TBL1X: variants seen among roughly 807,000 people sequenced by gnomAD.
TBL1X encodes transducin beta like 1 X-linked, also known as F-box-like/WD repeat-containing protein TBL1X.
Under a neutral mutation model 50.7 loss-of-function variants are expected in TBL1X, and 10 were observed. The observed-to-expected ratio is 0.20, with a 90% CI of 0.12 to 0.33. The LOEUF (loss-of-function observed/expected upper bound fraction) is 0.33. TBL1X is among the 10% of genes least tolerant of loss of function. The probability of loss-of-function intolerance (pLI) is 1.00; values close to 1 mark genes in which losing one functional copy is unlikely to be tolerated. For missense variants in TBL1X, 340 were observed against 504.4 expected (o/e 0.67, Z 3.12); for synonymous variants, 190 against 214.7 (o/e 0.88, Z 1.01).
chrX:9,483,789 C>T (rs1259411268), intron 1 of TBL1X, among the ~76,000 whole-genome samples: 2 of 108,711 alleles, frequency 1.8e-5, no homozygotes, highest in African/African-American at 3.4e-5. Flanking sequence ...CCTTCCTTCC[C>T]CTCTGGCAGA....
chrX:9,636,484 A>AG (rs2082747566), intron 2 of TBL1X: 1 of 58,581 alleles, frequency 1.7e-5, no homozygotes, highest in Non-Finnish European at 3.0e-5. Flanking sequence ...AAAACAAAGC[A>AG]AAACAACAAC....
At chrX:9,680,949 C>T (rs776069991) in intron 5 of TBL1X, among the ~76,000 whole-genome samples, 1 of 112,583 alleles carries the variant, frequency 8.9e-6, no homozygotes, top group Non-Finnish European at 1.9e-5. Context: ...ACGCCACATC[C>T]TTAGTCCATC....
At chrX:9,685,650 C>T (rs1271925957) in intron 6 of TBL1X, among the ~76,000 whole-genome samples, 3 of 110,276 alleles carry the variant, frequency 2.7e-5, no homozygotes, top group Non-Finnish European at 5.7e-5. Context: ...GCATGTTACA[C>T]TGCTTTAAAA....
At chrX:9,597,629 A>G (rs2082532900) in intron 2 of TBL1X, among the ~76,000 whole-genome samples, 1 of 112,495 alleles carries the variant, frequency 8.9e-6, no homozygotes, top group African/African-American at 3.2e-5. Context: ...TTGAAAAGAA[A>G]GAAATGCATG....
chrX:9,504,184 C>T, intron 2 of TBL1X, among the ~76,000 whole-genome samples: 1 of 111,595 alleles, frequency 9.0e-6, no homozygotes, highest in Middle Eastern at 4.7e-3. Context: ...CAGCAAACTG[C>T]AGCAGCCCTA....
intron 1 of TBL1X, among the ~76,000 whole-genome samples, chrX:9,491,068 T>A (rs1197365461): frequency 9.2e-6 from 1 of 108,678 alleles, no homozygotes. Flanking sequence ...AGCCTTGAAC[T>A]TCTGGGCTAA....
intron 2 of TBL1X, among the ~76,000 whole-genome samples, chrX:9,614,371 C>T (rs2082629426): frequency 9.0e-6 from 1 of 111,015 alleles, no homozygotes; most frequent in African/African-American, 3.3e-5. Flanking sequence ...CATTTGAGAC[C>T]AGCCTGGGCA....
intron 2 of TBL1X, among the ~76,000 whole-genome samples, chrX:9,514,337 T>TG (rs1463362681): frequency 9.1e-6 from 1 of 109,989 alleles, no homozygotes; most frequent in Non-Finnish European, 1.9e-5. Flanking sequence ...TGTGAGTGTT[T>TG]TTTTTTTAAT....
chrX:9,489,956 C>T (rs747631388), intron 1 of TBL1X, among the ~76,000 whole-genome samples: 19 of 111,151 alleles, frequency 1.7e-4, no homozygotes, highest in African/African-American at 5.9e-4. Context: ...GCACTGTGTG[C>T]TTGTTATCTT....
intron 1 of TBL1X, among the ~76,000 whole-genome samples, chrX:9,495,219 C>T (rs886193511): frequency 9.0e-6 from 1 of 111,446 alleles, no homozygotes; most frequent in Admixed American, 9.6e-5. Context: ...AGAGAGTCTT[C>T]TCTGTGATGG....
At chrX:9,676,848 C>A (rs748703395) in intron 5 of TBL1X, among the ~76,000 whole-genome samples, 1 of 110,644 alleles carries the variant, frequency 9.0e-6, no homozygotes, top group African/African-American at 3.3e-5. Context: ...ATTTTTTTTT[C>A]TTTTTACCAT....
At chrX:9,545,501 C>T (rs1294363992) in intron 2 of TBL1X, among the ~76,000 whole-genome samples, 5 of 107,375 alleles carry the variant, frequency 4.7e-5, no homozygotes, top group African/African-American at 1.4e-4. Context: ...GCCTTGATTG[C>T]GCCACTGCAC....
intron 2 of TBL1X, among the ~76,000 whole-genome samples, chrX:9,545,111 A>G (rs1390292496): frequency 1.9e-5 from 2 of 105,577 alleles, no homozygotes; most frequent in Non-Finnish European, 3.9e-5. Flanking sequence ...GGTTCAAGCA[A>G]TTCTCCTGCC....
chrX:9,602,728 A>G (rs1378772811), intron 2 of TBL1X, among the ~76,000 whole-genome samples: 1 of 112,515 alleles, frequency 8.9e-6, no homozygotes, highest in Non-Finnish European at 1.9e-5. Flanking sequence ...TCTTTTGCCC[A>G]TATCCAACTC....
At chrX:9,542,001 TG>T (rs1467762616) in intron 2 of TBL1X, among the ~76,000 whole-genome samples, 3 of 108,175 alleles carry the variant, frequency 2.8e-5, no homozygotes, top group Non-Finnish European at 5.7e-5. Context: ...CCTCTGCTAG[TG>T]GTTTTGCAGT....
intron 2 of TBL1X, among the ~76,000 whole-genome samples, chrX:9,612,240 T>C (rs778886644): frequency 2.1e-4 from 24 of 111,919 alleles, no homozygotes; most frequent in African/African-American, 6.5e-4. Flanking sequence ...TAAAAATTTG[T>C]CGGCAGATAC....
intron 2 of TBL1X, among the ~76,000 whole-genome samples, chrX:9,551,402 G>A (rs1169527758): frequency 9.0e-6 from 1 of 111,509 alleles, no homozygotes; most frequent in Non-Finnish European, 1.9e-5. Context: ...TGGTGGTGAT[G>A]CTGATGTTAA....
intron 2 of TBL1X, among the ~76,000 whole-genome samples, chrX:9,595,818 C>T (rs147656186): frequency 0.011 from 1,224 of 112,406 alleles, 17 homozygotes; most frequent in African/African-American, 0.037. Flanking sequence ...CAGTATCTTA[C>T]ACATCTGAAT....
chrX:9,641,344 AT>A (rs1280915222), intron 3 of TBL1X, among the ~76,000 whole-genome samples: 1 of 112,081 alleles, frequency 8.9e-6, no homozygotes, highest in Non-Finnish European at 1.9e-5. Context: ...TGTAAAAGTT[AT>A]CTTACTACCT....
Sources: gnomAD v4.1 joint callset for allele counts (sites outside exome capture counted in the v4.1 genomes callset) on GRCh38, gnomAD v4.1.1 for gene constraint, MANE v1.5 for transcripts, NCBI Gene and HGNC (gene_info 2026-07-23, HGNC 2026-07-21) for gene names.